ROR1: variants seen among roughly 807,000 people sequenced by gnomAD.
ROR1 encodes the protein inactive tyrosine-protein kinase transmembrane receptor ROR1.
A neutral mutation model predicts 78.8 loss-of-function variants in ROR1; 19 were observed. The observed-to-expected ratio is 0.24, with a 90% CI of 0.17 to 0.35. The LOEUF is 0.35. Among genes scored for constraint, ROR1 ranks in the 10% least tolerant of loss-of-function variants. ROR1 has a pLI of 1.00. For synonymous variants in ROR1, 386 were observed against 433.6 expected (o/e 0.89, Z 1.36); for missense variants, 917 against 1,177.8 (o/e 0.78, Z 3.24).
intron 1 of ROR1, among the ~76,000 whole-genome samples, chr1:63,811,074 G>A (rs796388141): frequency 2.0e-4 from 30 of 152,272 alleles, no homozygotes; most frequent in African/African-American, 7.0e-4. Context: ...AGACCCAACC[G>A]ACTGTAGAAA....
chr1:63,858,340 A>G (rs1645161011), intron 1 of ROR1, among the ~76,000 whole-genome samples: 1 of 152,070 alleles, frequency 6.6e-6, no homozygotes, highest in Non-Finnish European at 1.5e-5. Context: ...TTTCAAATCT[A>G]TGGCCCAGAC....
rs529338961 is a variant in ROR1, at chr1:63,814,425, C to T, written c.91+39917C>T. On this transcript the variant is annotated intron_variant, in intron 1 of 8. Transcript: ENST00000371079. ...GTTTTGTGGAAGATAGTTCTTCCAC[C>T]GATGGGGTGGGGGTGGTGGTTTGGA... 4.9e-4 allele frequency among the ~76,000 whole-genome samples: 74 copies of T among 151,726 alleles called. No individual in the cohort carries two copies. In the South Asian group the frequency reaches 0.013, roughly 27 times the overall value.
chr1:64,104,335 A>G (rs1647697145), intron 4 of ROR1, among the ~76,000 whole-genome samples: 1 of 152,030 alleles, frequency 6.6e-6, no homozygotes, highest in Non-Finnish European at 1.5e-5. Flanking sequence ...ATTTATTATC[A>G]TTATTATTTT....
intron 1 of ROR1, among the ~76,000 whole-genome samples, chr1:63,830,401 G>C (rs1310790152): frequency 1.3e-5 from 2 of 152,160 alleles, no homozygotes; most frequent in Non-Finnish European, 2.9e-5. Context: ...CTGCATGGCT[G>C]GGGGGTCTCA....
chr1:63,943,162 G>A (rs1242804106), intron 1 of ROR1, among the ~76,000 whole-genome samples: 2 of 148,294 alleles, frequency 1.3e-5, no homozygotes, highest in East Asian at 4.0e-4. Flanking sequence ...AGGACATATT[G>A]AATGAATGAA....
At chr1:63,874,540 C>T (rs185396967) in intron 1 of ROR1, among the ~76,000 whole-genome samples, 2 of 152,252 alleles carry the variant, frequency 1.3e-5, no homozygotes, top group South Asian at 2.1e-4. Context: ...CTGCTGGATA[C>T]ATTCTGGGAA....
rs1557533432 is a variant in ROR1 at position 63,863,778 on chromosome 1, ATTGT to A, written c.91+89271_91+89274del. On this transcript the variant is annotated intron_variant, in intron 1 of 8. Transcript: ENST00000371079. The stretch of plus-strand genomic sequence containing the variant: ...ATTGTATTGTATTGTATTGTATTGT[ATTGT>A]ATTGTATTGTATTGTATTGTATCAT... 5.1e-3 allele frequency among the ~76,000 whole-genome samples: 771 copies of A among 150,836 alleles called. 7 individuals are homozygous for A. The highest frequency in any genetic ancestry group is 0.016 in the African/African-American group (672 of 40,804).
chr1:64,019,692 G>A (rs1646548932), intron 2 of ROR1, among the ~76,000 whole-genome samples: 1 of 152,104 alleles, frequency 6.6e-6, no homozygotes, highest in African/African-American at 2.4e-5. Context: ...GATTTACATG[G>A]ATTGTCACAT....
chr1:64,074,710 C>A (rs1035505622), intron 4 of ROR1, among the ~76,000 whole-genome samples: 5 of 152,186 alleles, frequency 3.3e-5, no homozygotes, highest in Non-Finnish European at 5.9e-5. Context: ...ATTGTGCTAC[C>A]AGTTTGGGCA....
At chr1:64,143,208 A>G in intron 7 of ROR1, 1 of 990,186 alleles carries the variant, frequency 1.0e-6, no homozygotes, top group Non-Finnish European at 1.2e-6. Context: ...TCCTTTTTCT[A>G]GAAAATGTTT....
chr1:64,143,871 T>C (rs1169640847), intron 7 of ROR1, among the ~76,000 whole-genome samples: 1 of 152,036 alleles, frequency 6.6e-6, no homozygotes. Context: ...TGGGAAAGCA[T>C]GAGAGGGTTT....
At chr1:63,952,905 G>A (rs1317437544) in intron 1 of ROR1, among the ~76,000 whole-genome samples, 1 of 152,086 alleles carries the variant, frequency 6.6e-6, no homozygotes, top group African/African-American at 2.4e-5. Flanking sequence ...AAGTTTTGAG[G>A]TCTTGCCCTA....
chr1:63,900,692 T>C (rs1367766464), intron 1 of ROR1, among the ~76,000 whole-genome samples: 3 of 152,288 alleles, frequency 2.0e-5, no homozygotes, highest in African/African-American at 4.8e-5. Flanking sequence ...TGCAATTCCA[T>C]GTCTAAAGGA....
At position 63,801,420 on chromosome 1, in the gene ROR1, G is replaced by A. The variant is rs143881575; in HGVS notation, c.91+26912G>A. On this transcript the variant is annotated intron_variant, in intron 1 of 8. Transcript: ENST00000371079. ...AACAATTCTCCTGCCTCAGCCTCCT[G>A]AGTAGCTTGGATTACAGGCACCCAC... is the stretch of plus-strand genomic sequence containing the variant. 5.4e-3 allele frequency among the ~76,000 whole-genome samples: 824 copies of A among 152,048 alleles called. 2 individuals are homozygous for A. Among genetic ancestry groups the A allele is most frequent in the Non-Finnish European group, 7.6e-3 (518 of 67,992 alleles).
intron 1 of ROR1, among the ~76,000 whole-genome samples, chr1:63,880,526 T>C (rs1190181373): frequency 6.6e-6 from 1 of 152,200 alleles, no homozygotes; most frequent in Non-Finnish European, 1.5e-5. Flanking sequence ...TAATCATAAG[T>C]AGCCCCGATG....
intron 1 of ROR1, among the ~76,000 whole-genome samples, chr1:63,801,627 C>G (rs1644798000): frequency 6.6e-6 from 1 of 152,166 alleles, no homozygotes. Flanking sequence ...ACCACTGAAT[C>G]ACTTATATTT....
chr1:63,837,710 A>G (rs578100602), intron 1 of ROR1, among the ~76,000 whole-genome samples: 3 of 152,288 alleles, frequency 2.0e-5, no homozygotes, highest in African/African-American at 7.2e-5. Flanking sequence ...AGTCCCAGCT[A>G]CTTGGGAGGC....
chr1:64,084,294 A>G (rs1055845967), intron 4 of ROR1, among the ~76,000 whole-genome samples: 6 of 152,196 alleles, frequency 3.9e-5, no homozygotes, highest in African/African-American at 1.4e-4. Context: ...CGTTCTGGAT[A>G]CTCAAAGACT....
In ROR1 at chr1:64,012,420, A is replaced by G. The variant is rs1157751398; in HGVS notation, c.163+3044A>G. Among the ~76,000 whole-genome samples the G allele has an allele frequency of 2.0e-5, 3 of 152,196 alleles. No individual in the cohort carries two copies. In the South Asian group the frequency reaches 6.2e-4, roughly 32 times the overall value. On this transcript the variant is annotated intron_variant, in intron 2 of 8. Coordinates refer to ENST00000371079, the MANE Select transcript of ROR1 (RefSeq NM_005012.4). ...GTTCTTCTCAGGTATTGCACAAGCCACAAACCAAGATGGTAACATAAAAAC... is the reference window on the plus strand; with the variant it reads ...GTTCTTCTCAGGTATTGCACAAGCCGCAAACCAAGATGGTAACATAAAAAC...
Sources: allele counts gnomAD v4.1 joint callset (sites outside exome capture counted in the v4.1 genomes callset), GRCh38; gene constraint gnomAD v4.1.1; transcripts MANE v1.5; gene names NCBI Gene and HGNC (gene_info 2026-07-23, HGNC 2026-07-21).